Variants in SKAP2 observed in about 807,000 individuals in gnomAD.
SKAP2 encodes src kinase-associated phosphoprotein 2.
A neutral mutation model predicts 54.9 loss-of-function variants in SKAP2; 28 were observed. That is an observed-to-expected ratio of 0.51 (90% CI 0.38 to 0.70). The LOEUF is 0.70. Ranked by LOEUF, SKAP2 falls within the 30% of genes least tolerant of loss-of-function variation. SKAP2 has a pLI of 0.00. For synonymous variants in SKAP2, 137 were observed against 134.3 expected (o/e 1.02, Z -0.14); for missense variants, 356 against 424.1 (o/e 0.84, Z 1.41).
At chr7:26,700,695 G>T (rs756967857) in intron 9 of SKAP2, among the ~76,000 whole-genome samples, 1 of 152,086 alleles carries the variant, frequency 6.6e-6, no homozygotes, top group Non-Finnish European at 1.5e-5. Flanking sequence ...ACTTTCATCC[G>T]GCGTATGTCC....
intron 4 of SKAP2, among the ~76,000 whole-genome samples, chr7:26,811,886 A>G (rs1188678161): frequency 6.6e-6 from 1 of 152,226 alleles, no homozygotes; most frequent in Non-Finnish European, 1.5e-5. Flanking sequence ...CATTTTCCTT[A>G]TTACATCAAA....
At chr7:26,836,179 T>C (rs1216772419) in intron 4 of SKAP2, among the ~76,000 whole-genome samples, 1 of 152,160 alleles carries the variant, frequency 6.6e-6, no homozygotes. Flanking sequence ...TTACATCTTA[T>C]ACAAAAATTA....
chr7:26,674,905 G>A (rs1343717414), intron 11 of SKAP2, among the ~76,000 whole-genome samples: 1 of 152,146 alleles, frequency 6.6e-6, no homozygotes, highest in East Asian at 1.9e-4. Flanking sequence ...ATACCATAGA[G>A]TAAAACCTGA....
rs563506731 is a variant in SKAP2 at position 26,698,058 on chromosome 7, G to A, written c.797-7696C>T. Among the ~76,000 whole-genome samples the A allele has an allele frequency of 5.3e-5, 8 of 152,226 alleles. No homozygotes were observed. In the South Asian group the frequency reaches 1.7e-3, roughly 32 times the overall value. ...GATGTTATGATTATTTGATTGTAAT[G>A]TGGCTGTCTTATCAGGGTCTACAAC... On this transcript the variant is annotated intron_variant, in intron 9 of 12. Coordinates refer to ENST00000345317, the MANE Select transcript of SKAP2 (RefSeq NM_003930.5).
At chr7:26,710,396 C>A (rs772015683) in intron 9 of SKAP2, among the ~76,000 whole-genome samples, 1 of 152,164 alleles carries the variant, frequency 6.6e-6, no homozygotes, top group African/African-American at 2.4e-5. Flanking sequence ...TTTAGAGAAG[C>A]TCAGAGAAGC....
Position 26,691,882 on chromosome 7 carries a change from C to T in SKAP2, c.797-1520G>A, listed in dbSNP as rs143926652. Among the ~76,000 whole-genome samples the T allele has an allele frequency of 1.3e-4, 20 of 152,198 alleles. No individual in the cohort carries two copies. In the East Asian group the frequency reaches 3.1e-3, roughly 23 times the overall value. ...TAGGGGAAGAGCTGGGTAGGAGTTACGCTCATAGTTTGGACCAGCTGTTGA... is the reference window on the plus strand; with the variant it reads ...TAGGGGAAGAGCTGGGTAGGAGTTATGCTCATAGTTTGGACCAGCTGTTGA... On this transcript the variant is annotated intron_variant, in intron 9 of 12. Transcript: ENST00000345317.
At chr7:26,859,353 A>G (rs868155911) in intron 1 of SKAP2, among the ~76,000 whole-genome samples, 11 of 152,326 alleles carry the variant, frequency 7.2e-5, no homozygotes, top group African/African-American at 2.6e-4. Flanking sequence ...ATAAAAATCA[A>G]TTAAACTGGG....
chr7:26,783,392 C>T (rs990636675), intron 4 of SKAP2, among the ~76,000 whole-genome samples: 4 of 151,916 alleles, frequency 2.6e-5, no homozygotes, highest in African/African-American at 9.7e-5. Context: ...TACCCGTTTC[C>T]CCCACCAATA....
chr7:26,839,727 T>C (rs1292141136), intron 4 of SKAP2, among the ~76,000 whole-genome samples: 1 of 152,082 alleles, frequency 6.6e-6, no homozygotes, highest in Non-Finnish European at 1.5e-5. Flanking sequence ...AAACATCTAT[T>C]TCGTGGCTTT....
intron 4 of SKAP2, among the ~76,000 whole-genome samples, chr7:26,740,263 A>G (rs1431257888): frequency 6.6e-6 from 1 of 152,064 alleles, no homozygotes; most frequent in Non-Finnish European, 1.5e-5. Context: ...CCTGAAAGAG[A>G]GGTTAAGAAT....
intron 4 of SKAP2, among the ~76,000 whole-genome samples, chr7:26,791,049 T>TTA (rs1554301013): frequency 6.6e-5 from 10 of 151,720 alleles, no homozygotes; most frequent in African/African-American, 2.2e-4. Context: ...TGTTTTAATT[T>TTA]AAAAAAAATC....
At chr7:26,801,539 T>C (rs1006954729) in intron 4 of SKAP2, among the ~76,000 whole-genome samples, 1 of 152,052 alleles carries the variant, frequency 6.6e-6, no homozygotes, top group East Asian at 1.9e-4. Context: ...AATAAAGGCA[T>C]CCAAATTGGA....
At chr7:26,788,951 A>C (rs1226073756) in intron 4 of SKAP2, among the ~76,000 whole-genome samples, 1 of 152,224 alleles carries the variant, frequency 6.6e-6, no homozygotes, top group Non-Finnish European at 1.5e-5. Context: ...TAAGAAGCAC[A>C]TCTACCATTG....
chr7:26,781,332 A>C (rs1048943844), intron 4 of SKAP2, among the ~76,000 whole-genome samples: 2 of 152,122 alleles, frequency 1.3e-5, no homozygotes, highest in Non-Finnish European at 2.9e-5. Context: ...TAAAAAAATG[A>C]AGTCTTTCTG....
chr7:26,705,865 T>A (rs964705040), intron 9 of SKAP2, among the ~76,000 whole-genome samples: 3 of 152,206 alleles, frequency 2.0e-5, no homozygotes, highest in Non-Finnish European at 4.4e-5. Context: ...TATTTTCATA[T>A]ATTGAAAAGT....
intron 4 of SKAP2, among the ~76,000 whole-genome samples, chr7:26,762,337 C>T (rs778128999): frequency 6.6e-6 from 1 of 152,002 alleles, no homozygotes; most frequent in Non-Finnish European, 1.5e-5. Flanking sequence ...TATATACTTA[C>T]TCATATGGAA....
chr7:26,724,918 T>C (rs906899218), intron 9 of SKAP2, among the ~76,000 whole-genome samples: 8 of 152,182 alleles, frequency 5.3e-5, no homozygotes, highest in Non-Finnish European at 8.8e-5. Flanking sequence ...ACAGGAAGAC[T>C]TGAAGCCTCA....
intron 4 of SKAP2, among the ~76,000 whole-genome samples, chr7:26,797,124 G>C (rs2127983244): frequency 6.6e-6 from 1 of 152,310 alleles, no homozygotes; most frequent in Non-Finnish European, 1.5e-5. Flanking sequence ...CCGGGGATTA[G>C]GGGACCTCGC....
At chr7:26,669,752 T>C (rs1786188905) in intron 12 of SKAP2, 96 bp from the exon 13 acceptor site, 1 of 154,868 alleles carries the variant, frequency 6.5e-6, no homozygotes, top group Non-Finnish European at 1.4e-5. Flanking sequence ...CAAGGAAAAA[T>C]GTATTTTTAC....
Sources: gnomAD v4.1 joint callset for allele counts (sites outside exome capture counted in the v4.1 genomes callset) on GRCh38, gnomAD v4.1.1 for gene constraint, MANE v1.5 for transcripts, NCBI Gene and HGNC (gene_info 2026-07-23, HGNC 2026-07-21) for gene names.